ABCC4: variants seen among roughly 807,000 people sequenced by gnomAD.
ABCC4 encodes ATP binding cassette subfamily C member 4 (PEL blood group).
A neutral mutation model predicts 168.5 loss-of-function variants in ABCC4; 102 were observed. The observed-to-expected ratio is 0.61, with a 90% CI of 0.52 to 0.71. ABCC4 has a LOEUF of 0.71. Among genes scored for constraint, ABCC4 ranks in the 30% least tolerant of loss-of-function variants. The pLI is 0.00. For synonymous variants in ABCC4, 617 were observed against 590.7 expected, an observed-to-expected ratio of 1.04 and a Z score of -0.65; for missense variants, 1,402 against 1,605.8, an observed-to-expected ratio of 0.87 and a Z score of 2.17.
In ABCC4 at chr13:95,094,591, C is replaced by T. The variant is rs145337567; in HGVS notation, c.2536-11301G>A. Among the ~76,000 whole-genome samples, 570 of 152,198 alleles carry T rather than the reference C, an allele frequency of 3.7e-3. 6 individuals are homozygous for T. Among genetic ancestry groups the T allele is most frequent in the African/African-American group, 0.013 (536 of 41,532 alleles). ...TCTAGAAGATAACATTGGAAAAACC[C>T]TTCTAGACATTGGTTTAGGCAAGGA... On this transcript the variant is annotated intron_variant, in intron 20 of 30. Transcript: ENST00000645237.
chr13:95,039,386 A>G (rs967585470), intron 29 of ABCC4, among the ~76,000 whole-genome samples: 2 of 152,218 alleles, frequency 1.3e-5, no homozygotes, highest in African/African-American at 4.8e-5. Context: ...ACAACAAAAT[A>G]AAGTGACTCT....
At chr13:95,291,355 CAAA>C (rs773811081) in intron 1 of ABCC4, among the ~76,000 whole-genome samples, 1 of 134,666 alleles carries the variant, frequency 7.4e-6, no homozygotes. Flanking sequence ...GATCCTGTCT[CAAA>C]AAAAAAAAAA....
At chr13:95,105,092 A>G (rs1174521983) in intron 20 of ABCC4, among the ~76,000 whole-genome samples, 1 of 151,952 alleles carries the variant, frequency 6.6e-6, no homozygotes, top group African/African-American at 2.4e-5. Flanking sequence ...TCCTGCAACT[A>G]GATGGTCCCA....
chr13:95,038,822 G>A (rs548062899), intron 29 of ABCC4, among the ~76,000 whole-genome samples: 3 of 152,330 alleles, frequency 2.0e-5, no homozygotes, highest in Non-Finnish European at 2.9e-5. Context: ...CACAGAGTGA[G>A]ATCCAGCAGA....
intron 29 of ABCC4, among the ~76,000 whole-genome samples, chr13:95,039,720 A>T (rs192814306): frequency 1.3e-5 from 2 of 152,342 alleles, no homozygotes; most frequent in African/African-American, 2.4e-5. Context: ...TATTCCAGGT[A>T]GCTGTCCTAG....
At chr13:95,032,612 T>C (rs1251193612) in intron 30 of ABCC4, among the ~76,000 whole-genome samples, 1 of 152,212 alleles carries the variant, frequency 6.6e-6, no homozygotes, top group Non-Finnish European at 1.5e-5. Flanking sequence ...TTTATTTGGA[T>C]AAATCTTTAA....
At position 95,029,978 on chromosome 13, in the gene ABCC4, C is replaced by CTTGT. The variant is rs1365542985; in HGVS notation, c.3870+4623_3870+4626dup. 2.7e-5 allele frequency among the ~76,000 whole-genome samples: 3 copies of CTTGT among 112,174 alleles called. No homozygotes were observed. In the Admixed American group the frequency reaches 3.1e-4, roughly 12 times the overall value. 73.6% of individuals were successfully genotyped at this position (112,174 alleles called of 152,430 possible). Reference sequence around the variant, plus strand: ...CCTAGGATCCAGGATGTCAGGACTTCTTGTCTATCTATCCATCCATCCATC... The same window carrying CTTGT: ...CCTAGGATCCAGGATGTCAGGACTTCTTGTTTGTCTATCTATCCATCCATCCATC... On this transcript the variant is annotated intron_variant, in intron 30 of 30. Transcript: ENST00000645237.
intron 19 of ABCC4, among the ~76,000 whole-genome samples, chr13:95,128,918 G>A (rs949702905): frequency 4.6e-5 from 7 of 152,050 alleles, no homozygotes; most frequent in African/African-American, 1.5e-4. Flanking sequence ...TACCTCCCTG[G>A]AAGTTCATTT....
intron 25 of ABCC4, among the ~76,000 whole-genome samples, chr13:95,071,381 C>G (rs1287238952): frequency 6.6e-6 from 1 of 152,100 alleles, no homozygotes; most frequent in African/African-American, 2.4e-5. Flanking sequence ...GTTGGTGACA[C>G]AAAGCCAGAG....
intron 30 of ABCC4, among the ~76,000 whole-genome samples, chr13:95,022,434 G>A (rs1239673102): frequency 6.6e-6 from 1 of 152,186 alleles, no homozygotes; most frequent in Non-Finnish European, 1.5e-5. Context: ...GAAATGAAAT[G>A]CTGTCAAGTT....
At chr13:95,063,045 G>C (rs980409135) in intron 25 of ABCC4, among the ~76,000 whole-genome samples, 186 bp from the exon 26 acceptor site, 1 of 152,180 alleles carries the variant, frequency 6.6e-6, no homozygotes, top group Non-Finnish European at 1.5e-5. Context: ...CATTTTGGAA[G>C]CTGCCCCAGG....
chr13:95,182,755 A>C (rs955979470), intron 11 of ABCC4, among the ~76,000 whole-genome samples: 2 of 152,208 alleles, frequency 1.3e-5, no homozygotes, highest in African/African-American at 4.8e-5. Flanking sequence ...CACCTACTGA[A>C]GAGGAACTGA....
chr13:95,150,290 C>T (rs569053848), intron 19 of ABCC4, among the ~76,000 whole-genome samples: 1 of 152,308 alleles, frequency 6.6e-6, no homozygotes, highest in Non-Finnish European at 1.5e-5. Flanking sequence ...GGAACACTGT[C>T]TGCCTAAAGA....
Position 95,169,821 on chromosome 13 carries a change from A to G in ABCC4, c.1824+711T>C, listed in dbSNP as rs188591165. On this transcript the variant is annotated intron_variant, in intron 14 of 30. Coordinates refer to ENST00000645237, the MANE Select transcript of ABCC4 (RefSeq NM_005845.5). ...TGGGTGCTGTGACTAGGGGTTGCTC[A>G]GTTATCCAACTGTGTTGCTGCTATT... is the stretch of plus-strand genomic sequence containing the variant. Among the ~76,000 whole-genome samples the G allele has an allele frequency of 8.5e-4, 130 of 152,300 alleles. 2 individuals carry two copies. Among genetic ancestry groups the G allele is most frequent in the African/African-American group, 3.1e-3 (127 of 41,586 alleles).
At chr13:95,284,453 T>C (rs1266727692) in intron 1 of ABCC4, among the ~76,000 whole-genome samples, 1 of 152,198 alleles carries the variant, frequency 6.6e-6, no homozygotes, top group Non-Finnish European at 1.5e-5. Flanking sequence ...CCTCCCAAAG[T>C]GCTGGGATTA....
At chr13:95,153,442 A>G (rs1247097211) in intron 19 of ABCC4, among the ~76,000 whole-genome samples, 1 of 152,218 alleles carries the variant, frequency 6.6e-6, no homozygotes, top group Admixed American at 6.5e-5. Flanking sequence ...ATTAGACTGA[A>G]GTGGAGAACT....
At chr13:95,212,751 C>A (rs1455409419) in intron 4 of ABCC4, among the ~76,000 whole-genome samples, 1 of 151,940 alleles carries the variant, frequency 6.6e-6, no homozygotes, top group Non-Finnish European at 1.5e-5. Context: ...ACAGTCAACA[C>A]AGAAATTAAG....
At chr13:95,289,488 A>G (rs2041338649) in intron 1 of ABCC4, among the ~76,000 whole-genome samples, 2 of 152,184 alleles carry the variant, frequency 1.3e-5, no homozygotes, top group Non-Finnish European at 2.9e-5. Flanking sequence ...GTAACACAAG[A>G]GCAGAGCCAC....
At chr13:95,076,812 T>C (rs1182306533) in intron 21 of ABCC4, among the ~76,000 whole-genome samples, 1 of 152,024 alleles carries the variant, frequency 6.6e-6, no homozygotes. Flanking sequence ...CGAGGCTGGG[T>C]GCAGTGGTGT....
Sources: allele counts gnomAD v4.1 joint callset (sites outside exome capture counted in the v4.1 genomes callset), GRCh38; gene constraint gnomAD v4.1.1; transcripts MANE v1.5; gene names NCBI Gene and HGNC (gene_info 2026-07-23, HGNC 2026-07-21).